MET: variants seen among roughly 807,000 people sequenced by gnomAD.
MET encodes the protein MET proto-oncogene, receptor tyrosine kinase, also known as hepatocyte growth factor receptor.
In MET, 48 loss-of-function variants were observed where a neutral mutation model predicts 133.1. That is an observed-to-expected ratio of 0.36 (90% CI 0.29 to 0.46). The LOEUF (loss-of-function observed/expected upper bound fraction) is 0.46, where lower values mean the gene tolerates loss of function less well. Among genes scored for constraint, MET ranks in the 20% least tolerant of loss-of-function variants. The pLI is 1.00. For synonymous variants in MET, 628 were observed against 616.5 expected (o/e 1.02, Z -0.28); for missense variants, 1,442 against 1,695.9 (o/e 0.85, Z 2.63).
chr7:116,743,200 G>A (rs907618252), intron 5 of MET, among the ~76,000 whole-genome samples: 9 of 152,180 alleles, frequency 5.9e-5, no homozygotes, highest in Non-Finnish European at 1.3e-4. Context: ...AATGCATTCC[G>A]GCCCAGATAC....
At chr7:116,741,159 C>T (rs759816115) in intron 5 of MET, 134 bp downstream of exon 5, 5 of 1,030,520 alleles carry the variant, frequency 4.9e-6, no homozygotes, top group Non-Finnish European at 7.1e-6. Context: ...TCAATTTACT[C>T]ATTTAGCTGT....
chr7:116,756,217 A>G (rs564263321), intron 6 of MET, among the ~76,000 whole-genome samples: 3 of 152,310 alleles, frequency 2.0e-5, no homozygotes, highest in African/African-American at 7.2e-5. Flanking sequence ...TGCTAGTTCT[A>G]CTGTATTCTA....
intron 3 of MET, among the ~76,000 whole-genome samples, chr7:116,733,817 A>G (rs915963287): frequency 1.3e-5 from 2 of 152,216 alleles, no homozygotes; most frequent in African/African-American, 2.4e-5. Context: ...AAACAGTGAC[A>G]CAGAACTTAC....
chr7:116,784,657 C>T (rs953347085), intron 19 of MET, among the ~76,000 whole-genome samples: 20 of 152,282 alleles, frequency 1.3e-4, no homozygotes, highest in East Asian at 3.9e-4. Context: ...CCTCCAACCA[C>T]GCCCCTCCCT....
chr7:116,760,162 C>T (rs1794342768), intron 10 of MET, among the ~76,000 whole-genome samples: 1 of 152,122 alleles, frequency 6.6e-6, no homozygotes. Flanking sequence ...AGAACATGGA[C>T]CCTTTTGCTC....
chr7:116,711,488 T>G (rs1791990741), intron 2 of MET, among the ~76,000 whole-genome samples: 1 of 152,244 alleles, frequency 6.6e-6, no homozygotes, highest in Non-Finnish European at 1.5e-5. Context: ...TAACATAATC[T>G]AATTCAGTCT....
chr7:116,757,607 T>C, intron 7 of MET, 31 bp from the exon 8 acceptor site: 1 of 1,613,770 alleles, frequency 6.2e-7, no homozygotes, highest in South Asian at 1.1e-5. Flanking sequence ...GATGAACAAG[T>C]TACTTTGTTT....
chr7:116,759,346 G>A (rs2116936912), intron 9 of MET, 45 bp from the exon 10 acceptor site: 1 of 1,593,918 alleles, frequency 6.3e-7, no homozygotes, highest in South Asian at 1.1e-5. Flanking sequence ...GTACTTGGTG[G>A]AAAGAACCTC....
intron 2 of MET, among the ~76,000 whole-genome samples, chr7:116,720,237 C>T (rs2116707243): frequency 7.0e-6 from 1 of 142,644 alleles, no homozygotes; most frequent in African/African-American, 2.6e-5. Context: ...ATTTTATTCT[C>T]TTTGAAGCAA....
Position 116,740,739 on chromosome 7 carries a change from T to A in MET, c.1528-113T>A, listed in dbSNP as rs960050267. On this transcript the variant is annotated intron_variant, in intron 4 of 20. Transcript: ENST00000397752. Reference sequence around the variant, plus strand: ...AGGATTTGCACACATAGTTGCTAAGTCTAGAAAATTCCATCAAATGATATT... The same window carrying A: ...AGGATTTGCACACATAGTTGCTAAGACTAGAAAATTCCATCAAATGATATT... The A allele has an allele frequency of 6.3e-5, 83 of 1,327,544 alleles. No homozygotes were observed. The Admixed American group carries it at 1.4e-3, about 22-fold the overall frequency. 82.2% of individuals were successfully genotyped at this position (1,327,544 alleles called of 1,614,324 possible). A position where few individuals can be genotyped will look rare whatever the true frequency, so the allele number is the denominator to read the frequency against.
chr7:116,754,863 A>G (rs903736538), intron 5 of MET, among the ~76,000 whole-genome samples: 8 of 145,702 alleles, frequency 5.5e-5, no homozygotes, highest in Non-Finnish European at 1.1e-4. Flanking sequence ...GAGGGAAAGA[A>G]AAAGAAAGAA....
At chr7:116,739,571 A>G (rs1458854305) in intron 3 of MET, among the ~76,000 whole-genome samples, 1 of 152,228 alleles carries the variant, frequency 6.6e-6, no homozygotes, top group African/African-American at 2.4e-5. Context: ...GAGGATTAAG[A>G]GGATATATTT....
At chr7:116,725,465 C>CATATATATATATAT (rs71314626) in intron 2 of MET, among the ~76,000 whole-genome samples, 3 of 144,916 alleles carry the variant, frequency 2.1e-5, no homozygotes, top group East Asian at 2.0e-4. Flanking sequence ...TTATGATATA[C>CATATATATATATAT]ATATATATAT....
At chr7:116,737,414 G>A (rs1032630644) in intron 3 of MET, among the ~76,000 whole-genome samples, 2 of 152,182 alleles carry the variant, frequency 1.3e-5, no homozygotes, top group South Asian at 2.1e-4. Context: ...TTTTACTCAC[G>A]AGTGGCTCTT....
intron 17 of MET, among the ~76,000 whole-genome samples, chr7:116,780,218 G>A (rs2117054144): frequency 6.6e-6 from 1 of 152,124 alleles, no homozygotes; most frequent in Admixed American, 6.5e-5. Context: ...CAGGGAGGGT[G>A]GGAATAAGAA....
intron 12 of MET, 37 bp from the exon 13 acceptor site, chr7:116,771,461 G>A: frequency 6.2e-7 from 1 of 1,612,670 alleles, no homozygotes; most frequent in Non-Finnish European, 8.5e-7. Flanking sequence ...TATCTATCAT[G>A]GCTAAATGCT....
intron 2 of MET, among the ~76,000 whole-genome samples, chr7:116,706,888 AT>A (rs35404902): frequency 0.016 from 2,168 of 139,038 alleles, 38 homozygotes; most frequent in African/African-American, 0.044. Context: ...CCTTCCCTTG[AT>A]TTTTTTTTTT....
At position 116,699,924 on chromosome 7, in the gene MET, G is replaced by C. The variant is rs1207381066; in HGVS notation, c.840G>C (p.Arg280Ser). The C allele has an allele frequency of 6.2e-7, 1 of 1,614,066 alleles. No homozygotes were observed. Among genetic ancestry groups the C allele is most frequent in the South Asian group, 1.1e-5 (1 of 91,086 alleles). Reference protein sequence around the residue: ...DAQTFHTRIIRFCSINSGLHS... With the variant: ...DAQTFHTRIISFCSINSGLHS... ...AGACTTTTCACACAAGAATAATCAG[G>C]TTCTGTTCCATAAACTCTGGATTGC... The change falls in exon 2 of 21, where the codon AGG becomes AGC. Residue 280 changes from arginine (R) to serine (S), a missense_variant. By Grantham distance (110) the Arg-to-Ser change is moderately radical. Coordinates refer to ENST00000397752, the MANE Select transcript of MET (RefSeq NM_000245.4).
intron 1 of MET, among the ~76,000 whole-genome samples, chr7:116,688,798 TG>T (rs1218538929): frequency 6.6e-6 from 1 of 152,228 alleles, no homozygotes; most frequent in Non-Finnish European, 1.5e-5. Context: ...AATGCACAAT[TG>T]GCTTTTTCTT....
Sources: gnomAD v4.1 joint callset for allele counts (sites outside exome capture counted in the v4.1 genomes callset) on GRCh38, gnomAD v4.1.1 for gene constraint, MANE v1.5 for transcripts, NCBI Gene and HGNC (gene_info 2026-07-23, HGNC 2026-07-21) for gene names.